The following MACROD2 variants were observed in gnomAD, a reference collection of about 807,000 sequenced individuals.
MACROD2 encodes mono-ADP ribosylhydrolase 2.
In MACROD2, 36 loss-of-function variants were observed where a neutral mutation model predicts 70.4. That is an observed-to-expected ratio of 0.51 (90% CI 0.39 to 0.68). The LOEUF is 0.68. MACROD2 is among the 30% of genes least tolerant of loss of function. MACROD2 has a pLI of 0.00. For synonymous variants in MACROD2, 172 were observed against 178.8 expected (o/e 0.96, Z 0.30); for missense variants, 496 against 538.4 (o/e 0.92, Z 0.78).
intron 5 of MACROD2, among the ~76,000 whole-genome samples, chr20:15,157,561 T>G (rs2076318165): frequency 6.6e-6 from 1 of 152,078 alleles, no homozygotes; most frequent in African/African-American, 2.4e-5. Context: ...TTTGCAGGTG[T>G]GTGTTTTGAT....
chr20:15,439,560 A>T (rs1157507706), intron 7 of MACROD2, among the ~76,000 whole-genome samples: 4 of 152,092 alleles, frequency 2.6e-5, no homozygotes, highest in African/African-American at 9.7e-5. Context: ...GCAGCCCTAT[A>T]GCCACAAACC....
intron 2 of MACROD2, among the ~76,000 whole-genome samples, chr20:14,061,925 A>G (rs1385686940): frequency 2.0e-5 from 3 of 152,160 alleles, no homozygotes; most frequent in African/African-American, 7.2e-5. Context: ...AATGTGTTTA[A>G]GAATGATCTT....
intron 5 of MACROD2, among the ~76,000 whole-genome samples, chr20:14,956,307 GA>G (rs11478644): frequency 0.016 from 2,408 of 152,162 alleles, 63 homozygotes; most frequent in African/African-American, 0.053. Context: ...CTGACAAATG[GA>G]AACCTGGTAT....
intron 13 of MACROD2, among the ~76,000 whole-genome samples, chr20:15,983,689 C>T (rs1013545698): frequency 2.6e-5 from 4 of 152,174 alleles, no homozygotes; most frequent in Admixed American, 6.5e-5. Context: ...ACGCAGCCTA[C>T]GCCTGGTCGA....
At chr20:15,010,676 C>G (rs897842955) in intron 5 of MACROD2, among the ~76,000 whole-genome samples, 7 of 152,136 alleles carry the variant, frequency 4.6e-5, no homozygotes, top group African/African-American at 1.4e-4. Flanking sequence ...CACATACCCA[C>G]CGTTTTTTAT....
At chr20:15,459,899 A>G (rs2046784233) in intron 7 of MACROD2, among the ~76,000 whole-genome samples, 1 of 151,560 alleles carries the variant, frequency 6.6e-6, no homozygotes, top group African/African-American at 2.4e-5. Context: ...AGTGGTTCTT[A>G]TGAGTTTCTA....
intron 5 of MACROD2, among the ~76,000 whole-genome samples, chr20:14,767,076 C>T (rs1248851303): frequency 6.6e-6 from 1 of 152,046 alleles, no homozygotes; most frequent in Non-Finnish European, 1.5e-5. Flanking sequence ...CACTTGTAAT[C>T]CCAGCACTTT....
chr20:14,417,810 C>T (rs568307778), intron 3 of MACROD2, among the ~76,000 whole-genome samples: 1 of 152,242 alleles, frequency 6.6e-6, no homozygotes, highest in Admixed American at 6.5e-5. Context: ...CCATCATAGT[C>T]AATCCCAAAG....
rs778111830 is a variant in MACROD2, at chr20:14,540,577, A to T, written c.301+47069A>T. The stretch of plus-strand genomic sequence containing the variant: ...ACAATTACCTTCAATCTTGACAGGT[A>T]TAAAAAGGCCAATCCTGCCAGTCTC... On this transcript the variant is annotated intron_variant, in intron 4 of 17. Transcript: ENST00000684519. 5.0e-4 allele frequency among the ~76,000 whole-genome samples: 76 copies of T among 152,294 alleles called. 2 individuals are homozygous for T. The highest frequency in any genetic ancestry group is 6.8e-3 in the Middle Eastern group (2 of 294).
chr20:15,656,089 CAT>C (rs2049726647), intron 8 of MACROD2, among the ~76,000 whole-genome samples: 1 of 152,172 alleles, frequency 6.6e-6, no homozygotes, highest in African/African-American at 2.4e-5. Context: ...GGCTTATACA[CAT>C]GAGTCTGTCT....
chr20:14,804,842 T>TGAAG (rs1305860499), intron 5 of MACROD2, among the ~76,000 whole-genome samples: 1 of 151,484 alleles, frequency 6.6e-6, no homozygotes, highest in Non-Finnish European at 1.5e-5. Flanking sequence ...AGAGAAGAGA[T>TGAAG]GAAGAGGTGT....
chr20:14,170,552 A>G (rs983110635), intron 3 of MACROD2, among the ~76,000 whole-genome samples: 1 of 152,120 alleles, frequency 6.6e-6, no homozygotes, highest in South Asian at 2.1e-4. Context: ...TTTTCATCAT[A>G]AAGGGATGCT....
At chr20:15,836,415 AAGAGTCATT>A (rs1462723579) in intron 8 of MACROD2, among the ~76,000 whole-genome samples, 2 of 152,184 alleles carry the variant, frequency 1.3e-5, no homozygotes, top group East Asian at 3.8e-4. Context: ...ATGGAGTCAT[AAGAGTCATT>A]ATCTATGGGA....
chr20:15,915,245 G>T (rs1460645371), intron 10 of MACROD2, among the ~76,000 whole-genome samples: 1 of 152,024 alleles, frequency 6.6e-6, no homozygotes, highest in Non-Finnish European at 1.5e-5. Flanking sequence ...CTCTGTAGTC[G>T]CAAGGTTGGG....
chr20:14,087,893 A>G (rs6042523), intron 3 of MACROD2, among the ~76,000 whole-genome samples: 2 of 152,136 alleles, frequency 1.3e-5, no homozygotes, highest in African/African-American at 4.8e-5. Context: ...ATGTGTGTGT[A>G]TATATACATA....
chr20:14,950,896 T>G (rs1213182758), intron 5 of MACROD2, among the ~76,000 whole-genome samples: 1 of 152,308 alleles, frequency 6.6e-6, no homozygotes, highest in East Asian at 1.9e-4. Flanking sequence ...GCTTGGTTGG[T>G]TGAGGACTTA....
chr20:14,037,031 C>G (rs990963461), intron 2 of MACROD2, among the ~76,000 whole-genome samples: 1 of 152,162 alleles, frequency 6.6e-6, no homozygotes, highest in Non-Finnish European at 1.5e-5. Flanking sequence ...GGGACCTTGT[C>G]ATAGCTTAGG....
chr20:15,229,652 G>A (rs987474105), intron 5 of MACROD2, among the ~76,000 whole-genome samples: 2 of 152,060 alleles, frequency 1.3e-5, no homozygotes, highest in African/African-American at 4.8e-5. Context: ...AATTATGCAC[G>A]TCTTATACTA....
intron 5 of MACROD2, among the ~76,000 whole-genome samples, chr20:14,881,492 G>T: frequency 6.6e-6 from 1 of 152,002 alleles, no homozygotes; most frequent in Non-Finnish European, 1.5e-5. Context: ...TTATTGCTTG[G>T]AATTGAATGG....
Sources: gnomAD v4.1 joint callset for allele counts (sites outside exome capture counted in the v4.1 genomes callset) on GRCh38, gnomAD v4.1.1 for gene constraint, MANE v1.5 for transcripts, NCBI Gene and HGNC (gene_info 2026-07-23, HGNC 2026-07-21) for gene names.